Variants in PTPRT observed in about 807,000 individuals in gnomAD.
PTPRT encodes protein tyrosine phosphatase receptor type T.
In PTPRT, 56 loss-of-function variants were observed where a neutral mutation model predicts 176.8. The ratio of observed to expected loss-of-function variants is 0.32; its 90% CI spans 0.26 to 0.40. The LOEUF is 0.40. PTPRT is among the 10% of genes least tolerant of loss of function. The pLI is 1.00. For synonymous variants in PTPRT, 783 were observed against 739.0 expected, an observed-to-expected ratio of 1.06 and a Z score of -0.96; for missense variants, 1,540 against 1,908.2, an observed-to-expected ratio of 0.81 and a Z score of 3.60.
chr20:42,416,089 T>C (rs1238014548), intron 9 of PTPRT, among the ~76,000 whole-genome samples: 2 of 152,118 alleles, frequency 1.3e-5, no homozygotes, highest in Non-Finnish European at 2.9e-5. Flanking sequence ...TTTGCTGATG[T>C]AATTAAGTTA....
intron 7 of PTPRT, among the ~76,000 whole-genome samples, chr20:42,479,871 T>C (rs565194576): frequency 6.6e-6 from 1 of 152,328 alleles, no homozygotes; most frequent in African/African-American, 2.4e-5. Flanking sequence ...TGTATTATCA[T>C]AGATATCTTA....
At chr20:42,362,832 G>A (rs1019817113) in intron 9 of PTPRT, among the ~76,000 whole-genome samples, 2 of 151,930 alleles carry the variant, frequency 1.3e-5, no homozygotes, top group Non-Finnish European at 1.5e-5. Context: ...TGAGCCAGGC[G>A]CGGTGGCTCA....
At chr20:42,154,655 T>C (rs927182289) in intron 17 of PTPRT, among the ~76,000 whole-genome samples, 1 of 152,232 alleles carries the variant, frequency 6.6e-6, no homozygotes, top group African/African-American at 2.4e-5. Context: ...TGAACTGGGA[T>C]GAATGTGCTT....
chr20:43,105,515 C>T (rs1342192927), intron 1 of PTPRT, among the ~76,000 whole-genome samples: 1 of 152,142 alleles, frequency 6.6e-6, no homozygotes, highest in African/African-American at 2.4e-5. Context: ...TTTCTCATGC[C>T]TCAGCCTCCC....
rs1568731820 is a variant in PTPRT, at chr20:42,276,544, TATA to T, written c.2176+5942_2176+5944del. ...ATATATATATATATATATATATATATATATATATATATATAATGTTCTTGAATA... is the reference window on the plus strand; with the variant it reads ...ATATATATATATATATATATATATATTATATATATATAATGTTCTTGAATA... On this transcript the variant is annotated intron_variant, in intron 13 of 30. Coordinates refer to ENST00000373187, the MANE Select transcript of PTPRT (RefSeq NM_007050.6). Among the ~76,000 whole-genome samples, 6 of 65,570 alleles carry T rather than the reference TATA, an allele frequency of 9.2e-5. 1 individual carries two copies. In the East Asian group the frequency reaches 2.0e-3, roughly 21 times the overall value. 43.0% of individuals were successfully genotyped at this position (65,570 alleles called of 152,430 possible). A position where few individuals can be genotyped will look rare whatever the true frequency, so the allele number is the denominator to read the frequency against.
chr20:42,280,073 G>T (rs573085603), intron 13 of PTPRT, among the ~76,000 whole-genome samples: 5 of 152,288 alleles, frequency 3.3e-5, no homozygotes, highest in African/African-American at 9.6e-5. Flanking sequence ...GTGTTAAAAA[G>T]AATACTGTTT....
chr20:42,661,093 C>T (rs1350162559), intron 7 of PTPRT, among the ~76,000 whole-genome samples: 1 of 152,108 alleles, frequency 6.6e-6, no homozygotes, highest in African/African-American at 2.4e-5. Flanking sequence ...TTGTGATCCA[C>T]CTGCCCCAGA....
At chr20:42,988,503 G>C (rs998084350) in intron 1 of PTPRT, among the ~76,000 whole-genome samples, 2 of 152,160 alleles carry the variant, frequency 1.3e-5, no homozygotes, top group South Asian at 2.1e-4. Flanking sequence ...GTCTAGTCCA[G>C]GCTTCCCATC....
the PTPRT span, among the ~76,000 whole-genome samples, chr20:42,037,190 C>G: frequency 3.9e-5 from 6 of 152,196 alleles, no homozygotes; most frequent in Admixed American, 3.3e-4. Flanking sequence ...AATTCCTCCC[C>G]GTACCCTAGC....
intron 1 of PTPRT, among the ~76,000 whole-genome samples, chr20:43,008,185 C>A (rs537747617): frequency 2.0e-5 from 3 of 152,064 alleles, no homozygotes; most frequent in African/African-American, 7.2e-5. Context: ...GAGGTGGAGG[C>A]CTTTGAGAGA....
intron 7 of PTPRT, among the ~76,000 whole-genome samples, chr20:42,564,798 A>C (rs2073011751): frequency 6.6e-6 from 1 of 152,180 alleles, no homozygotes; most frequent in East Asian, 1.9e-4. Flanking sequence ...CAGTAAAACA[A>C]CTATTTACAT....
intron 8 of PTPRT, among the ~76,000 whole-genome samples, chr20:42,466,182 G>A (rs1188864155): frequency 3.3e-5 from 5 of 152,110 alleles, no homozygotes; most frequent in Admixed American, 6.5e-5. Context: ...TTGACTCCAT[G>A]TCTTTGCTAT....
chr20:42,936,142 G>A (rs1980174878), intron 1 of PTPRT, among the ~76,000 whole-genome samples: 1 of 152,214 alleles, frequency 6.6e-6, no homozygotes, highest in Admixed American at 6.5e-5. Context: ...CCGTAAATGG[G>A]ATAACTAGTG....
chr20:42,919,761 A>G (rs1357424986), intron 1 of PTPRT, among the ~76,000 whole-genome samples: 1 of 152,250 alleles, frequency 6.6e-6, no homozygotes, highest in Non-Finnish European at 1.5e-5. Context: ...ACCCTCAAAT[A>G]TAGATTCCTG....
chr20:42,772,057 A>C (rs1419494820), intron 4 of PTPRT, among the ~76,000 whole-genome samples: 1 of 152,228 alleles, frequency 6.6e-6, no homozygotes, highest in Non-Finnish European at 1.5e-5. Flanking sequence ...CTGAAGAAGC[A>C]AAATAAGAAA....
At chr20:42,659,308 A>G (rs571122133) in intron 7 of PTPRT, among the ~76,000 whole-genome samples, 80 of 152,230 alleles carry the variant, frequency 5.3e-4, no homozygotes, top group African/African-American at 1.8e-3. Context: ...TCTTTCATCT[A>G]TCTTTGGAAT....
chr20:43,184,859 A>T (rs1165949759), intron 1 of PTPRT, among the ~76,000 whole-genome samples: 1 of 151,960 alleles, frequency 6.6e-6, no homozygotes, highest in Non-Finnish European at 1.5e-5. Flanking sequence ...AGCACCTGCA[A>T]CTCTTACCAA....
intron 15 of PTPRT, among the ~76,000 whole-genome samples, chr20:42,216,680 T>C (rs1264632892): frequency 6.6e-6 from 1 of 152,240 alleles, no homozygotes; most frequent in Non-Finnish European, 1.5e-5. Context: ...ATAAATTGAG[T>C]GACACTTTCC....
At chr20:42,036,205 G>A in the PTPRT span, among the ~76,000 whole-genome samples, 1 of 152,172 alleles carries the variant, frequency 6.6e-6, no homozygotes, top group Non-Finnish European at 1.5e-5. Flanking sequence ...GCATTGTCCT[G>A]TGGCCATTGG....
Sources: allele counts gnomAD v4.1 joint callset (sites outside exome capture counted in the v4.1 genomes callset), GRCh38; gene constraint gnomAD v4.1.1; transcripts MANE v1.5; gene names NCBI Gene and HGNC (gene_info 2026-07-23, HGNC 2026-07-21).